Variants in MID1 observed in about 807,000 individuals in gnomAD.
MID1 encodes the protein E3 ubiquitin-protein ligase Midline-1.
A neutral mutation model predicts 40.4 loss-of-function variants in MID1; 7 were observed. The observed-to-expected ratio is 0.17, with a 90% CI of 0.10 to 0.33. The LOEUF is 0.33. Ranked by LOEUF, MID1 falls within the 10% of genes least tolerant of loss-of-function variation. MID1 has a pLI of 1.00. For synonymous variants in MID1, 229 were observed against 221.2 expected, an observed-to-expected ratio of 1.04 and a Z score of -0.31; for missense variants, 367 against 558.5, an observed-to-expected ratio of 0.66 and a Z score of 3.46.
intron 2 of MID1, among the ~76,000 whole-genome samples, chrX:10,556,668 T>A (rs983024765): frequency 7.1e-5 from 8 of 112,420 alleles, no homozygotes; most frequent in Non-Finnish European, 1.5e-4. Flanking sequence ...CCAGTCACCA[T>A]GCTCGGCACT....
intron 1 of MID1, among the ~76,000 whole-genome samples, chrX:10,675,604 T>A (rs888788186): frequency 9.0e-6 from 1 of 111,639 alleles, no homozygotes; most frequent in Non-Finnish European, 1.9e-5. Flanking sequence ...TCTAAACTCT[T>A]CAGGCTCAAG....
Position 10,482,429 on chromosome X carries a change from C to G in MID1, c.1013+51G>C, listed in dbSNP as rs1298900244. The G allele has an allele frequency of 9.4e-6, 11 of 1,170,894 alleles. No individual in the cohort carries two copies. In the South Asian group the frequency reaches 2.0e-4, roughly 21 times the overall value. ...AGGGCAAGACCAACCAATCACAGCG[C>G]AGATACAAGAGCCCAGCAGCCGAGA... On this transcript the variant is annotated intron_variant, in intron 5 of 9. Coordinates refer to ENST00000317552, the MANE Select transcript of MID1 (RefSeq NM_000381.4).
chrX:10,760,500 C>T (rs778071646), intron 1 of MID1, among the ~76,000 whole-genome samples: 45 of 111,499 alleles, frequency 4.0e-4, no homozygotes, highest in African/African-American at 1.1e-3. Flanking sequence ...GTATAACTTG[C>T]GAGGGGAAGT....
intron 1 of MID1, among the ~76,000 whole-genome samples, chrX:10,805,321 T>C (rs1237238532): frequency 9.9e-6 from 1 of 100,628 alleles, no homozygotes; most frequent in African/African-American, 3.6e-5. Flanking sequence ...ATATGCGGTG[T>C]TTGGTTTTTT....
intron 1 of MID1, among the ~76,000 whole-genome samples, chrX:10,605,087 C>T (rs1351650950): frequency 8.9e-6 from 1 of 112,260 alleles, no homozygotes; most frequent in Non-Finnish European, 1.9e-5. Context: ...AAAAGGTCAC[C>T]TTATATATTC....
chrX:10,774,899 T>TTCTCCTGC (rs1487229345), intron 1 of MID1, among the ~76,000 whole-genome samples: 1 of 111,642 alleles, frequency 9.0e-6, no homozygotes, highest in Admixed American at 9.6e-5. Context: ...CCACTTCAAA[T>TTCTCCTGC]CTCAATAGCA....
chrX:10,501,771 C>T lies in MID1; in HGVS notation c.757-6080G>A, dbSNP rs766069757. ...TTCCCTTTCTAGAAATGCAGTTACG[C>T]GTAATCATTCCCCAGATTAGTTAAT... On this transcript the variant is annotated intron_variant, in intron 3 of 9. Coordinates refer to ENST00000317552, the MANE Select transcript of MID1 (RefSeq NM_000381.4). Among the ~76,000 whole-genome samples the T allele has an allele frequency of 3.6e-5, 4 of 111,292 alleles. No individual in the cohort carries two copies. In the East Asian group the frequency reaches 8.5e-4, roughly 24 times the overall value.
chrX:10,707,293 G>A (rs751871088), intron 1 of MID1, among the ~76,000 whole-genome samples: 2 of 111,265 alleles, frequency 1.8e-5, no homozygotes, highest in African/African-American at 3.3e-5. Context: ...CCTTCACCGC[G>A]GAAGGGGAAG....
intron 1 of MID1, among the ~76,000 whole-genome samples, chrX:10,684,244 T>G (rs1056254716): frequency 5.4e-5 from 6 of 111,206 alleles, no homozygotes; most frequent in African/African-American, 1.6e-4. Context: ...CTATTAACAG[T>G]TTGATACACA....
intron 4 of MID1, among the ~76,000 whole-genome samples, chrX:10,490,830 G>C (rs2147312948): frequency 8.9e-6 from 1 of 112,020 alleles, no homozygotes; most frequent in South Asian, 3.8e-4. Flanking sequence ...AGAAATGCAA[G>C]TTGATGGACA....
intron 3 of MID1, among the ~76,000 whole-genome samples, chrX:10,509,030 C>G (rs1333428830): frequency 9.0e-6 from 1 of 111,620 alleles, no homozygotes; most frequent in Non-Finnish European, 1.9e-5. Context: ...TCCATGCTTA[C>G]TTGCTTTCCT....
chrX:10,760,978 C>T (rs751269725), intron 1 of MID1, among the ~76,000 whole-genome samples: 12 of 111,779 alleles, frequency 1.1e-4, no homozygotes, highest in South Asian at 3.8e-4. Flanking sequence ...CCATACCTCC[C>T]GCCTTGAAAT....
At chrX:10,645,799 C>T (rs868564538) in intron 1 of MID1, among the ~76,000 whole-genome samples, 1 of 111,785 alleles carries the variant, frequency 8.9e-6, no homozygotes, top group African/African-American at 3.2e-5. Context: ...CCTCTTGATT[C>T]CTACCTTGAG....
At chrX:10,735,759 G>A (rs1014653266) in intron 1 of MID1, among the ~76,000 whole-genome samples, 31 of 111,315 alleles carry the variant, frequency 2.8e-4, no homozygotes, top group African/African-American at 9.8e-4. Flanking sequence ...GTATGATCAT[G>A]ACTCACTGCA....
chrX:10,621,763 C>A (rs1935936783), upstream of MID1, among the ~76,000 whole-genome samples: 1 of 109,592 alleles, frequency 9.1e-6, no homozygotes, highest in Non-Finnish European at 1.9e-5. Context: ...TAAGGAGCCA[C>A]CTAGTGACAC....
intron 1 of MID1, among the ~76,000 whole-genome samples, chrX:10,604,601 A>G (rs1227060905): frequency 8.9e-6 from 1 of 112,048 alleles, no homozygotes; most frequent in African/African-American, 3.2e-5. Flanking sequence ...CCTCTGCTAT[A>G]TACATTTTTA....
At chrX:10,695,386 C>CA (rs1231666038) in intron 1 of MID1, among the ~76,000 whole-genome samples, 1 of 111,755 alleles carries the variant, frequency 8.9e-6, no homozygotes, top group Non-Finnish European at 1.9e-5. Context: ...CTTGGCCTCC[C>CA]AAAGTGCTGA....
intron 2 of MID1, chrX:10,565,598 T>C (rs1281407619): frequency 3.4e-6 from 1 of 293,094 alleles, no homozygotes; most frequent in Non-Finnish European, 6.5e-6. Context: ...GACTTCAATA[T>C]ATATTTACTT....
At chrX:10,789,224 GGCTAA>G (rs200183605) in intron 1 of MID1, among the ~76,000 whole-genome samples, 7,493 of 110,714 alleles carry the variant, frequency 0.068, 556 homozygotes, top group East Asian at 0.5. Context: ...AGTCTATGCT[GGCTAA>G]ACTACAGAGG....
Sources: allele counts gnomAD v4.1 joint callset (sites outside exome capture counted in the v4.1 genomes callset), GRCh38; gene constraint gnomAD v4.1.1; transcripts MANE v1.5; gene names NCBI Gene and HGNC (gene_info 2026-07-23, HGNC 2026-07-21).